The following ECHDC1 variants were observed in gnomAD, a reference collection of about 807,000 sequenced individuals.
ECHDC1 encodes ethylmalonyl-CoA decarboxylase 1.
In ECHDC1, 29 loss-of-function variants were observed where a neutral mutation model predicts 29.7. The observed-to-expected ratio is 0.98, with a 90% confidence interval of 0.73 to 1.33. The LOEUF (loss-of-function observed/expected upper bound fraction) is 1.33, where lower values mean the gene tolerates loss of function less well. Ranked by LOEUF, ECHDC1 falls within the 40% of genes most tolerant of loss-of-function variation. ECHDC1 has a pLI of 0.00. For synonymous variants in ECHDC1, 126 were observed against 123.1 expected (o/e 1.02, Z -0.15); for missense variants, 328 against 350.0 (o/e 0.94, Z 0.50).
intron 5 of ECHDC1, among the ~76,000 whole-genome samples, chr6:127,295,133 T>A (rs937988365): frequency 2.6e-5 from 4 of 151,794 alleles, no homozygotes; most frequent in African/African-American, 9.7e-5. Flanking sequence ...ATTTTTAGTA[T>A]AGACGAGGTT....
chr6:127,335,335 G>T (rs1784335224), intron 1 of ECHDC1, among the ~76,000 whole-genome samples: 1 of 151,942 alleles, frequency 6.6e-6, no homozygotes, highest in Non-Finnish European at 1.5e-5. Flanking sequence ...CTACAATATT[G>T]AAGATACCAA....
rs758683225 is a variant in ECHDC1 at position 127,298,879 on chromosome 6, A to AT, written c.498-8603dup. Among the ~76,000 whole-genome samples the AT allele has an allele frequency of 8.4e-3, 1,213 of 144,644 alleles. 16 individuals carry two copies. Among genetic ancestry groups the AT allele is most frequent in the African/African-American group, 0.024 (950 of 39,556 alleles). 94.9% of individuals were successfully genotyped at this position (144,644 alleles called of 152,430 possible). A position where few individuals can be genotyped will look rare whatever the true frequency, so the allele number is the denominator to read the frequency against. ...ATGGTTCGGGTATTTACTGTACTAT[A>AT]TTTTTTTTTTTTTTGAGAAAGGGTC... On this transcript the variant is annotated intron_variant, in intron 5 of 5. Coordinates refer to ENST00000454859, the MANE Select transcript of ECHDC1 (RefSeq NM_001002030.2).
intron 2 of ECHDC1, chr6:127,329,723 A>G (rs2114677341): frequency 3.6e-6 from 1 of 273,996 alleles, no homozygotes; most frequent in Non-Finnish European, 7.3e-6. Context: ...TATTTTGGAT[A>G]TACTGAGTTA....
rs1388222001 is a variant in ECHDC1 at position 127,326,998 on chromosome 6, T to A, written c.363+4A>T. 1 of 1,612,520 alleles carries A rather than the reference T, an allele frequency of 6.2e-7. No individual in the cohort carries two copies. Among genetic ancestry groups the A allele is most frequent in the Non-Finnish European group, 8.5e-7 (1 of 1,179,366 alleles). ...ATCAAATGCATAATTCATATAACAC[T>A]TGCCTCTGGAGTTCCTAGTGATTTC... On this transcript the variant is annotated splice_donor_region_variant and intron_variant, in intron 3 of 5. Transcript: ENST00000454859.
chr6:127,298,184 T>C (rs1239655079), intron 5 of ECHDC1, among the ~76,000 whole-genome samples: 4 of 152,204 alleles, frequency 2.6e-5, no homozygotes, highest in Non-Finnish European at 2.9e-5. Context: ...ACAGGGAAAT[T>C]ATTTGTATTA....
chr6:127,342,248 G>A, intron 1 of ECHDC1: 2 of 1,148,834 alleles, frequency 1.7e-6, no homozygotes, highest in Non-Finnish European at 2.4e-6. Context: ...AGCTGCAAGA[G>A]GGCATTTGCA....
In ECHDC1 at chr6:127,306,772, G is replaced by A. The variant is rs536932340; in HGVS notation, c.497+8044C>T. 5.3e-5 allele frequency among the ~76,000 whole-genome samples: 8 copies of A among 152,130 alleles called. No individual in the cohort carries two copies. The South Asian group carries it at 1.4e-3, about 28-fold the overall frequency. On this transcript the variant is annotated intron_variant, in intron 5 of 5. Coordinates refer to ENST00000454859, the MANE Select transcript of ECHDC1 (RefSeq NM_001002030.2). Reference sequence around the variant, plus strand: ...AATACAGCACTGGACAGATCTTAGAGACAAAAAATCAACAAAGAAACATCA... The same window carrying A: ...AATACAGCACTGGACAGATCTTAGAAACAAAAAATCAACAAAGAAACATCA...
chr6:127,320,838 GCA>G (rs1782773588), intron 3 of ECHDC1, among the ~76,000 whole-genome samples: 1 of 151,812 alleles, frequency 6.6e-6, no homozygotes, highest in Non-Finnish European at 1.5e-5. Flanking sequence ...CTCTTTTCCT[GCA>G]CAATAACCAA....
chr6:127,292,137 C>T (rs982763255), intron 5 of ECHDC1, among the ~76,000 whole-genome samples: 3 of 151,854 alleles, frequency 2.0e-5, no homozygotes, highest in African/African-American at 7.3e-5. Context: ...GAATTGAATC[C>T]TAGAATTGGT....
At chr6:127,330,569 C>T (rs1783829321) in intron 2 of ECHDC1, among the ~76,000 whole-genome samples, 1 of 152,000 alleles carries the variant, frequency 6.6e-6, no homozygotes, top group Non-Finnish European at 1.5e-5. Flanking sequence ...TTTAGATTTC[C>T]TTTTTATCAA....
intron 5 of ECHDC1, among the ~76,000 whole-genome samples, chr6:127,298,476 A>G (rs956641506): frequency 6.6e-6 from 1 of 152,222 alleles, no homozygotes; most frequent in Non-Finnish European, 1.5e-5. Flanking sequence ...GAGTGTTTTA[A>G]GTACTTCCTG....
intron 5 of ECHDC1, among the ~76,000 whole-genome samples, chr6:127,305,297 C>A (rs1781358788): frequency 6.6e-6 from 1 of 152,076 alleles, no homozygotes. Flanking sequence ...AGGGAAAAAT[C>A]CTTTCATGCT....
At chr6:127,333,901 G>A (rs1283533115) in intron 1 of ECHDC1, among the ~76,000 whole-genome samples, 1 of 151,780 alleles carries the variant, frequency 6.6e-6, no homozygotes, top group Non-Finnish European at 1.5e-5. Flanking sequence ...ATCTTACTGT[G>A]GTTTCATTTT....
intron 3 of ECHDC1, among the ~76,000 whole-genome samples, chr6:127,318,783 G>C (rs1289092346): frequency 6.6e-6 from 1 of 152,120 alleles, no homozygotes; most frequent in African/African-American, 2.4e-5. Context: ...TTTAGATGGA[G>C]AACTATGTTG....
intron 4 of ECHDC1, chr6:127,315,702 G>A (rs1782306598): frequency 6.6e-6 from 2 of 303,042 alleles, no homozygotes; most frequent in South Asian, 5.9e-5. Flanking sequence ...AAAAGGAGGT[G>A]AATAGGGTTT....
chr6:127,290,965 C>T (rs922929515), intron 5 of ECHDC1, among the ~76,000 whole-genome samples: 1 of 152,046 alleles, frequency 6.6e-6, no homozygotes, highest in African/African-American at 2.4e-5. Context: ...AATATTTGAG[C>T]AGCCACCTGA....
intron 1 of ECHDC1, among the ~76,000 whole-genome samples, chr6:127,332,206 C>T (rs1002970138): frequency 4.6e-5 from 7 of 152,064 alleles, no homozygotes; most frequent in Admixed American, 1.3e-4. Context: ...TTCTAATACA[C>T]GAGATTACTT....
rs1779859952 is a variant in ECHDC1, at chr6:127,288,923, T to C, written c.*946A>G. On this transcript the variant is annotated 3_prime_UTR_variant, in exon 6 of 6. Coordinates refer to ENST00000454859, the MANE Select transcript of ECHDC1 (RefSeq NM_001002030.2). Reference sequence around the variant, plus strand: ...CTCAAATGTGAATTGAATGTTACAGTAGCAAATACTTTTGACCTCTTGTGA... The same window carrying C: ...CTCAAATGTGAATTGAATGTTACAGCAGCAAATACTTTTGACCTCTTGTGA... The C allele has an allele frequency of 6.6e-6, 1 of 152,096 alleles. No individual in the cohort carries two copies. The highest frequency in any genetic ancestry group is 2.4e-5 in the African/African-American group (1 of 41,446). 9.4% of individuals were successfully genotyped at this position (152,096 alleles called of 1,614,324 possible). A position where few individuals can be genotyped will look rare whatever the true frequency, so the allele number is the denominator to read the frequency against.
chr6:127,296,217 G>T (rs1013351060), intron 5 of ECHDC1, among the ~76,000 whole-genome samples: 3 of 152,080 alleles, frequency 2.0e-5, no homozygotes, highest in Non-Finnish European at 4.4e-5. Context: ...TTTAGACAGG[G>T]TCTTATTACT....
Sources: gnomAD v4.1 joint callset for allele counts (sites outside exome capture counted in the v4.1 genomes callset) on GRCh38, gnomAD v4.1.1 for gene constraint, MANE v1.5 for transcripts, NCBI Gene and HGNC (gene_info 2026-07-23, HGNC 2026-07-21) for gene names.